The following FAM47E variants were observed in gnomAD, a reference collection of about 807,000 sequenced individuals.
FAM47E encodes the protein protein FAM47E.
A neutral mutation model predicts 41.6 loss-of-function variants in FAM47E; 32 were observed. The ratio of observed to expected loss-of-function variants is 0.77; its 90% CI spans 0.58 to 1.03. The LOEUF (loss-of-function observed/expected upper bound fraction) is 1.03, where lower values mean the gene tolerates loss of function less well. FAM47E is among the 50% of genes least tolerant of loss of function. The pLI is 0.00. For synonymous variants in FAM47E, 184 were observed against 188.7 expected (o/e 0.98, Z 0.20); for missense variants, 424 against 485.4 (o/e 0.87, Z 1.19).
upstream of FAM47E, chr4:76,251,702 A>G (rs1322816427): frequency 2.1e-6 from 3 of 1,438,880 alleles, no homozygotes; most frequent in Admixed American, 2.7e-5. Flanking sequence ...AGCAGGGCAC[A>G]CACACCGCCC....
At chr4:76,256,643 TCC>T in intron 2 of FAM47E, 120 bp downstream of exon 2, 1 of 1,249,240 alleles carries the variant, frequency 8.0e-7, no homozygotes, top group Non-Finnish European at 1.1e-6. Context: ...GATGAATGTC[TCC>T]CCCAGGATGC....
chr4:76,230,695 C>T (rs2083654), intron 2 of FAM47E, among the ~76,000 whole-genome samples: 1,968 of 152,090 alleles, frequency 0.013, 38 homozygotes, highest in African/African-American at 0.043. Flanking sequence ...CTTCCATCCC[C>T]GAGTCCAGGC....
chr4:76,237,382 T>G (rs1241942282), intron 2 of FAM47E, among the ~76,000 whole-genome samples: 1 of 151,368 alleles, frequency 6.6e-6, no homozygotes, highest in Non-Finnish European at 1.5e-5. Context: ...TGTTTGTTTT[T>G]TTTTTGGTTT....
At chr4:76,256,560 G>A (rs749593405) in intron 2 of FAM47E, 37 bp downstream of exon 2, 5 of 1,494,088 alleles carry the variant, frequency 3.3e-6, no homozygotes, top group Admixed American at 4.6e-5. Context: ...GGGCTTCACT[G>A]GGGCCTTGCA....
intron 1 of FAM47E, among the ~76,000 whole-genome samples, chr4:76,215,029 A>C (rs1434842127): frequency 2.0e-5 from 3 of 152,250 alleles, no homozygotes. Flanking sequence ...GGCTTGTCCC[A>C]GAAGTCTGGC....
At chr4:76,246,560 C>T (rs1441906) in intron 2 of FAM47E, among the ~76,000 whole-genome samples, 126,727 of 151,952 alleles carry the variant, frequency 0.83, 53,044 homozygotes, top group Middle Eastern at 0.88. Flanking sequence ...GAATAACTTA[C>T]ATAGTAAAAT....
At position 76,256,278 on chromosome 4, in the gene FAM47E, T is replaced by A; in HGVS notation, c.175T>A (p.Cys59Ser). 6.4e-7 allele frequency: 1 copy of A among 1,551,732 alleles called. No homozygotes were observed. Among genetic ancestry groups the A allele is most frequent in the East Asian group, 2.4e-5 (1 of 40,926 alleles). ...RKGLDDFRKG[C>S]PPCTGLVTQV... The stretch of plus-strand genomic sequence containing the variant: ...GGGGCTGGACGACTTCAGGAAGGGC[T>A]GCCCGCCTTGCACTGGTCTGGTGAC... The change falls in exon 2 of 8, where the codon TGC (cysteine) becomes AGC (serine). Residue 59 changes from cysteine to serine, a missense_variant. Cys to Ser is a moderately radical substitution (Grantham distance 112). Coordinates refer to ENST00000424749, the MANE Select transcript of FAM47E (RefSeq NM_001136570.3).
intron 2 of FAM47E, among the ~76,000 whole-genome samples, chr4:76,230,955 GT>G (rs1437073239): frequency 6.6e-6 from 1 of 152,194 alleles, no homozygotes; most frequent in Non-Finnish European, 1.5e-5. Context: ...TTTAACCTCT[GT>G]TGTTGTCTAC....
chr4:76,283,350 A>G (rs1175314735), intron 7 of FAM47E, 31 bp from the exon 8 acceptor site: 50 of 1,409,820 alleles, frequency 3.5e-5, no homozygotes, highest in East Asian at 5.0e-5. Flanking sequence ...TTGTTTGCCA[A>G]TCTAATGAAG....
At chr4:76,247,070 C>CA (rs1230423719), upstream of FAM47E, among the ~76,000 whole-genome samples, 1 of 151,882 alleles carries the variant, frequency 6.6e-6, no homozygotes, top group African/African-American at 2.4e-5. Context: ...CATCATCCTC[C>CA]AAAAAAACCT....
At chr4:76,260,596 G>T in intron 2 of FAM47E, among the ~76,000 whole-genome samples, 1 of 152,034 alleles carries the variant, frequency 6.6e-6, no homozygotes. Flanking sequence ...TGTAAGACCT[G>T]AAACTATACA....
At chr4:76,222,480 G>A (rs1359400373) in intron 2 of FAM47E, among the ~76,000 whole-genome samples, 12 of 152,062 alleles carry the variant, frequency 7.9e-5, no homozygotes, top group Admixed American at 3.9e-4. Context: ...CACCTGCCTC[G>A]GCCTTCCAAA....
At position 76,233,586 on chromosome 4, in the gene FAM47E, G is replaced by GCACA. The variant is rs34421184; in HGVS notation, c.81+15913_81+15916dup. On this transcript the variant is annotated intron_variant, in intron 2 of 7. Transcript: ENST00000510197. ...TTTTACAGACATCACACACACACACGCACACACACACACACACATATGTAA... is the reference window on the plus strand; with the variant it reads ...TTTTACAGACATCACACACACACACGCACACACACACACACACACACATATGTAA... Among the ~76,000 whole-genome samples the GCACA allele has an allele frequency of 2.0e-5, 3 of 150,760 alleles. No individual in the cohort carries two copies. In the East Asian group the frequency reaches 5.8e-4, roughly 29 times the overall value.
Position 76,256,510 on chromosome 4 carries a change from C to G in FAM47E, c.407C>G (p.Ala136Gly), listed in dbSNP as rs530006175. The change falls in exon 2 of 8, where the codon GCT (alanine) becomes GGT (glycine). Residue 136 changes from alanine to glycine, a missense_variant. Physicochemically the swap from Ala to Gly is moderately conservative, Grantham distance 60 (BLOSUM62 0). Coordinates refer to ENST00000424749, the MANE Select transcript of FAM47E (RefSeq NM_001136570.3). ...GCGCTCTACCTGAATCTGGAAGAAGCTATGCCCATAGAGGTGATGTGTCCT... is the reference window on the plus strand; with the variant it reads ...GCGCTCTACCTGAATCTGGAAGAAGGTATGCCCATAGAGGTGATGTGTCCT... ...PLALYLNLEE[A>G]MPIELLSKVL... is the part of the protein sequence containing the mutation. 18 of 1,549,896 alleles carry G rather than the reference C, an allele frequency of 1.2e-5. No homozygotes were observed. Among genetic ancestry groups the G allele is most frequent in the Non-Finnish European group, 1.5e-5 (17 of 1,145,708 alleles).
At chr4:76,228,090 C>CTT (rs71659315) in intron 2 of FAM47E, among the ~76,000 whole-genome samples, 22,405 of 150,090 alleles carry the variant, frequency 0.15, 1,986 homozygotes, top group East Asian at 0.34. Context: ...GCCTGAATAC[C>CTT]TTTTTTTTTC....
chr4:76,219,069 C>T (rs1479683949), intron 2 of FAM47E, among the ~76,000 whole-genome samples: 1 of 152,178 alleles, frequency 6.6e-6, no homozygotes, highest in Non-Finnish European at 1.5e-5. Context: ...GATGCTTTAG[C>T]CAGGCTCTTA....
chr4:76,256,063 C>A (rs1177296275), intron 1 of FAM47E, 115 bp from the exon 2 acceptor site: 2 of 1,205,574 alleles, frequency 1.7e-6, no homozygotes, highest in Non-Finnish European at 2.3e-6. Flanking sequence ...CTACCCCCAA[C>A]CCTAAAAGCT....
At position 76,251,778 on chromosome 4, in the gene FAM47E, G is replaced by T; in HGVS notation, c.32G>T (p.Gly11Val). Reference protein sequence around the residue: MADRRRRLRPGTLAPVREGVN... With the variant: MADRRRRLRPVTLAPVREGVN... ...GACCGCAGGCGGCGGCTCCGGCCGG[G>T]GACGTTGGCCCCGGTGCGCGAGGGC... is the stretch of plus-strand genomic sequence containing the variant. The change falls in exon 1 of 8, where the codon GGG becomes GTG. Residue 11 changes from glycine (G) to valine (V), a missense_variant. Coordinates refer to ENST00000424749, the MANE Select transcript of FAM47E (RefSeq NM_001136570.3). 2 of 1,490,914 alleles carry T rather than the reference G, an allele frequency of 1.3e-6. No homozygotes were observed. Among genetic ancestry groups the T allele is most frequent in the Non-Finnish European group, 1.8e-6 (2 of 1,126,802 alleles). The allele number at this position is 1,490,914 out of a possible 1,614,324, so 92.4% of individuals were successfully genotyped here.
At position 76,255,479 on chromosome 4, in the gene FAM47E, A is replaced by G. The variant is rs552136290; in HGVS notation, c.75-699A>G. Among the ~76,000 whole-genome samples the G allele has an allele frequency of 2.6e-3, 393 of 152,278 alleles. 2 individuals carry two copies. Among genetic ancestry groups the G allele is most frequent in the Non-Finnish European group, 4.3e-3 (292 of 68,026 alleles). ...GACCAAATGACAGGTTTGTTGGCCC[A>G]ATGTAGCCCATGGACAGCCATTTTG... On this transcript the variant is annotated intron_variant, in intron 1 of 7. Coordinates refer to ENST00000424749, the MANE Select transcript of FAM47E (RefSeq NM_001136570.3).
Sources: gnomAD v4.1 joint callset for allele counts (sites outside exome capture counted in the v4.1 genomes callset) on GRCh38, gnomAD v4.1.1 for gene constraint, MANE v1.5 for transcripts, NCBI Gene and HGNC (gene_info 2026-07-23, HGNC 2026-07-21) for gene names.